Variants in TMEM255A observed in about 807,000 individuals in gnomAD.
The protein encoded by TMEM255A is transmembrane protein 255A.
In TMEM255A, 14 loss-of-function variants were observed where a neutral mutation model predicts 23.5. The observed-to-expected ratio is 0.60, with a 90% CI of 0.39 to 0.93. The LOEUF (loss-of-function observed/expected upper bound fraction) is 0.93. TMEM255A is among the 40% of genes least tolerant of loss of function. The pLI is 0.00. For missense variants in TMEM255A, 233 were observed against 261.7 expected, an observed-to-expected ratio of 0.89 and a Z score of 0.76; for synonymous variants, 104 against 100.3, an observed-to-expected ratio of 1.04 and a Z score of -0.22.
intron 2 of TMEM255A, among the ~76,000 whole-genome samples, chrX:120,302,789 G>T (rs1409277681): frequency 1.8e-5 from 2 of 110,849 alleles, no homozygotes; most frequent in Non-Finnish European, 3.8e-5. Flanking sequence ...GCTGACTGTG[G>T]AATGAAATCA....
At chrX:120,280,998 T>C (rs374667006) in intron 6 of TMEM255A, among the ~76,000 whole-genome samples, 2 of 112,620 alleles carry the variant, frequency 1.8e-5, no homozygotes, top group East Asian at 5.5e-4. Flanking sequence ...TCCTCTTAGT[T>C]TGGCACTTTG....
rs941044590 is a variant in TMEM255A at position 120,264,260 on chromosome X, G to A, written c.820-3232C>T. On this transcript the variant is annotated intron_variant, in intron 8 of 8. Coordinates refer to ENST00000371369, the MANE Select transcript of TMEM255A (RefSeq NM_001104544.3). ...CTACTTGGCTAAAGCTGAAGGGGTG[G>A]TGGGGAAATAGTGCAAAGGACAAGA... Among the ~76,000 whole-genome samples, 16 of 111,973 alleles carry A rather than the reference G, an allele frequency of 1.4e-4. No individual in the cohort carries two copies. In the Admixed American group the frequency reaches 1.5e-3, roughly 11 times the overall value.
chrX:120,270,273 G>A (rs2057747582), intron 7 of TMEM255A, among the ~76,000 whole-genome samples: 2 of 109,395 alleles, frequency 1.8e-5, no homozygotes, highest in Admixed American at 1.9e-4. Context: ...TTCTATTTGT[G>A]TGCACGTATA....
downstream of TMEM255A, chrX:120,256,784 AATG>A (rs1428198136): frequency 1.2e-4 from 14 of 121,381 alleles, no homozygotes; most frequent in Admixed American, 1.3e-3. Flanking sequence ...AACGTCTGTA[AATG>A]ATTTTTTTTT....
rs781916382 is a variant in TMEM255A, at chrX:120,260,986, C to T, written c.862G>A (p.Asp288Asn). ...GAGGGAGAGGCAGACTGGGGCTCAT[C>T]AGAAAGTCCAGAGGGAGGGGAGGAT... ...FPSSPPSGLS[D>N]EPQSASPSPS... is the part of the protein sequence containing the mutation. The change falls in exon 9 of 9, where the codon GAT becomes AAT. Residue 288 changes from aspartate to asparagine, a missense_variant. Coordinates refer to ENST00000371369, the MANE Select transcript of TMEM255A (RefSeq NM_001104544.3). The T allele has an allele frequency of 2.5e-6, 3 of 1,195,537 alleles. No individual in the cohort carries two copies. The highest frequency in any genetic ancestry group is 2.2e-6 in the Non-Finnish European group (2 of 890,400).
chrX:120,287,777 T>C (rs1311512718), intron 4 of TMEM255A, among the ~76,000 whole-genome samples: 1 of 111,808 alleles, frequency 8.9e-6, no homozygotes, highest in Non-Finnish European at 1.9e-5. Context: ...TCAATTGAAC[T>C]GTGAGCCATT....
At chrX:120,285,538 A>C in intron 5 of TMEM255A, 1 of 1,140,108 alleles carries the variant, frequency 8.8e-7, no homozygotes, top group Non-Finnish European at 1.2e-6. Context: ...ATATGAGGGC[A>C]GGCAAAATCA....
At chrX:120,283,026 G>T (rs782397231) in intron 6 of TMEM255A, among the ~76,000 whole-genome samples, 11 of 110,664 alleles carry the variant, frequency 9.9e-5, no homozygotes, top group African/African-American at 3.6e-4. Context: ...CAGGAGGAGG[G>T]AGAGAAGAGG....
chrX:120,264,549 G>C (rs372803172), intron 8 of TMEM255A, among the ~76,000 whole-genome samples: 44 of 111,266 alleles, frequency 4.0e-4, no homozygotes, highest in African/African-American at 1.2e-3. Context: ...ACTTTGAGGG[G>C]TTAAAACAAA....
intron 8 of TMEM255A, among the ~76,000 whole-genome samples, chrX:120,262,692 C>A (rs2057688198): frequency 8.9e-6 from 1 of 112,037 alleles, no homozygotes; most frequent in Admixed American, 9.4e-5. Context: ...AGAACTCTCT[C>A]CTCTTAACCA....
downstream of TMEM255A, chrX:120,256,059 T>C (rs1402221478): frequency 8.1e-6 from 1 of 123,091 alleles, no homozygotes; most frequent in Non-Finnish European, 1.9e-5. Flanking sequence ...AATCCTGGCT[T>C]TCATTGCCAT....
chrX:120,265,988 CA>C (rs782107279), intron 8 of TMEM255A, among the ~76,000 whole-genome samples: 114 of 68,719 alleles, frequency 1.7e-3, no homozygotes, highest in Middle Eastern at 8.3e-3. Context: ...ACAAAAGATA[CA>C]AAAAAAAAAA....
intron 8 of TMEM255A, among the ~76,000 whole-genome samples, chrX:120,266,921 G>T (rs1556017711): frequency 1.8e-5 from 2 of 112,159 alleles, no homozygotes; most frequent in African/African-American, 6.5e-5. Flanking sequence ...GTAGGCTTTA[G>T]AACGAATTTT....
intron 2 of TMEM255A, among the ~76,000 whole-genome samples, chrX:120,296,784 CA>C: frequency 3.8e-4 from 2 of 5,280 alleles, no homozygotes; most frequent in Non-Finnish European, 9.7e-4. Context: ...TATTATATAT[CA>C]TATATAATAT....
rs1038152315 is a variant in TMEM255A at position 120,274,138 on chromosome X, T to C, written c.675+2747A>G. Among the ~76,000 whole-genome samples the C allele has an allele frequency of 5.4e-5, 6 of 111,862 alleles. No homozygotes were observed. The East Asian group carries it at 1.7e-3, about 31-fold the overall frequency. On this transcript the variant is annotated intron_variant, in intron 7 of 8. Transcript: ENST00000371369. Reference sequence around the variant, plus strand: ...ATGAATTTTAAAAACAAAAAAAATATGATAAGTGAAAGGAGCCAGACCCAG... The same window carrying C: ...ATGAATTTTAAAAACAAAAAAAATACGATAAGTGAAAGGAGCCAGACCCAG...
At chrX:120,284,556 A>C (rs1367915712) in intron 6 of TMEM255A, among the ~76,000 whole-genome samples, 3 of 107,969 alleles carry the variant, frequency 2.8e-5, no homozygotes, top group Non-Finnish European at 5.8e-5. Flanking sequence ...ACACACACAC[A>C]CCCCTCATCA....
chrX:120,280,176 T>C (rs1244139517), intron 6 of TMEM255A, among the ~76,000 whole-genome samples: 2 of 107,165 alleles, frequency 1.9e-5, no homozygotes, highest in African/African-American at 6.8e-5. Flanking sequence ...CTAAATTTTG[T>C]AGAGATGCGG....
rs781848022 is a variant in TMEM255A at position 120,311,363 on chromosome X, C to T, written c.-54G>A. Reference sequence around the variant, plus strand: ...CCGAAGCTGCTTCAAGCGCCCCCGGCTCTGGGCGCCCCGCAGAGCATCCTA... The same window carrying T: ...CCGAAGCTGCTTCAAGCGCCCCCGGTTCTGGGCGCCCCGCAGAGCATCCTA... On this transcript the variant is annotated 5_prime_UTR_variant, in exon 1 of 9. Transcript: ENST00000371369. The T allele has an allele frequency of 1.9e-6, 2 of 1,040,019 alleles. No individual in the cohort carries two copies. Among genetic ancestry groups the T allele is most frequent in the South Asian group, 4.0e-5 (2 of 49,779 alleles). 85.7% of individuals were successfully genotyped at this position (1,040,019 alleles called of 1,213,427 possible). A position where few individuals can be genotyped will look rare whatever the true frequency, so the allele number is the denominator to read the frequency against.
chrX:120,271,041 T>C (rs1174979490), intron 7 of TMEM255A, among the ~76,000 whole-genome samples: 2 of 111,382 alleles, frequency 1.8e-5, no homozygotes, highest in Non-Finnish European at 3.8e-5. Context: ...CCCCAGATCT[T>C]TGCTTTCATT....
Sources: allele counts gnomAD v4.1 joint callset (sites outside exome capture counted in the v4.1 genomes callset), GRCh38; gene constraint gnomAD v4.1.1; transcripts MANE v1.5; gene names NCBI Gene and HGNC (gene_info 2026-07-23, HGNC 2026-07-21).